Variants in TOX2 observed in about 807,000 individuals in gnomAD.
The protein encoded by TOX2 is granulosa cell HMG box 1.
Under a neutral mutation model 47.4 loss-of-function variants are expected in TOX2, and 15 were observed. The observed-to-expected ratio is 0.32, with a 90% CI of 0.21 to 0.49. TOX2 has a LOEUF of 0.49. Ranked by LOEUF, TOX2 falls within the 20% of genes least tolerant of loss-of-function variation. The probability of loss-of-function intolerance (pLI) is 0.99; values close to 1 mark genes in which losing one functional copy is unlikely to be tolerated. For synonymous variants in TOX2, 290 were observed against 296.6 expected (o/e 0.98, Z 0.23); for missense variants, 622 against 673.1 (o/e 0.92, Z 0.84).
Position 44,064,944 on chromosome 20 carries a change from C to T in TOX2, c.960+87C>T, listed in dbSNP as rs902299782. ...AAGAACTGGGGCCCGTGGGAAGGGC[C>T]GGCACCCCAGGTCTTAGAAAGAATG... On this transcript the variant is annotated intron_variant, in intron 6 of 8. Coordinates refer to ENST00000341197, the MANE Select transcript of TOX2 (RefSeq NM_001098797.2). 91 of 1,271,610 alleles carry T rather than the reference C, an allele frequency of 7.2e-5. No individual in the cohort carries two copies. In the Admixed American group the frequency reaches 9.9e-4, roughly 14 times the overall value. The allele number at this position is 1,271,610 out of a possible 1,614,324, so 78.8% of individuals were successfully genotyped here.
chr20:44,040,217 A>G (rs1448934318), intron 3 of TOX2, among the ~76,000 whole-genome samples: 3 of 152,238 alleles, frequency 2.0e-5, no homozygotes, highest in African/African-American at 7.2e-5. Context: ...GAATTTTAGA[A>G]TCATCACGGG....
At chr20:43,994,459 C>CAAAAAAAA (rs1555837275) in intron 2 of TOX2, among the ~76,000 whole-genome samples, 2 of 127,988 alleles carry the variant, frequency 1.6e-5, no homozygotes, top group African/African-American at 2.9e-5. Context: ...ACCCTGTCTC[C>CAAAAAAAA]AAAAAAAAAA....
chr20:43,986,262 T>TGTATGTAG (rs1159363047), intron 2 of TOX2, among the ~76,000 whole-genome samples: 1 of 150,880 alleles, frequency 6.6e-6, no homozygotes, highest in Non-Finnish European at 1.5e-5. Context: ...TTAAAATGTA[T>TGTATGTAG]GTATGTATGT....
At chr20:43,929,006 C>CA (rs1380224856) in intron 1 of TOX2, among the ~76,000 whole-genome samples, 1 of 124,556 alleles carries the variant, frequency 8.0e-6, no homozygotes, top group African/African-American at 3.8e-5. Context: ...AAAACAACAA[C>CA]AAAAAAACTG....
chr20:44,049,687 C>G (rs1335571040), intron 3 of TOX2, among the ~76,000 whole-genome samples: 1 of 152,158 alleles, frequency 6.6e-6, no homozygotes, highest in Non-Finnish European at 1.5e-5. Context: ...GTTCCCCTCC[C>G]TGTGTCTAAG....
At chr20:44,059,134 G>A (rs556161131) in intron 5 of TOX2, among the ~76,000 whole-genome samples, 1 of 152,212 alleles carries the variant, frequency 6.6e-6, no homozygotes, top group Admixed American at 6.5e-5. Flanking sequence ...GAATTATACA[G>A]CATATGAATG....
At chr20:44,024,973 A>G (rs2071037524) in intron 3 of TOX2, among the ~76,000 whole-genome samples, 6 of 152,124 alleles carry the variant, frequency 3.9e-5, no homozygotes. Context: ...TCATGTGTAT[A>G]CTTCCACGTG....
At chr20:44,008,967 G>C (rs1179094370) in intron 3 of TOX2, among the ~76,000 whole-genome samples, 1 of 152,238 alleles carries the variant, frequency 6.6e-6, no homozygotes, top group East Asian at 1.9e-4. Flanking sequence ...AGCATCGCTG[G>C]ACAGACCACT....
At chr20:44,028,487 G>T (rs551644497) in intron 3 of TOX2, among the ~76,000 whole-genome samples, 59 of 152,356 alleles carry the variant, frequency 3.9e-4, no homozygotes, top group African/African-American at 1.4e-3. Context: ...GAGTTTCTCT[G>T]CTTCATTCCA....
At chr20:43,952,963 C>A (rs1447694248) in intron 1 of TOX2, among the ~76,000 whole-genome samples, 1 of 151,738 alleles carries the variant, frequency 6.6e-6, no homozygotes, top group Non-Finnish European at 1.5e-5. Context: ...TCTGGGTGGG[C>A]CCTATAGGAT....
intron 1 of TOX2, chr20:43,945,644 C>T: frequency 5.0e-6 from 2 of 397,814 alleles, no homozygotes; most frequent in Non-Finnish European, 9.5e-6. Context: ...TGACGTGGAG[C>T]CGCGCTGTAC....
chr20:44,026,254 C>T (rs5012952), intron 3 of TOX2, among the ~76,000 whole-genome samples: 42,763 of 73,768 alleles, frequency 0.58, 13,645 homozygotes, highest in Middle Eastern at 0.64. Context: ...TATATAGACA[C>T]ACACACACAC....
chr20:44,063,828 C>T (rs914535823), intron 5 of TOX2, among the ~76,000 whole-genome samples: 1 of 151,954 alleles, frequency 6.6e-6, no homozygotes, highest in Non-Finnish European at 1.5e-5. Context: ...ACTACTCAGC[C>T]ATAAAAAGGA....
At chr20:43,987,972 T>G (rs1383747230) in intron 2 of TOX2, among the ~76,000 whole-genome samples, 1 of 137,988 alleles carries the variant, frequency 7.2e-6, no homozygotes, top group East Asian at 2.1e-4. Flanking sequence ...CAGGCTGGAG[T>G]GCAGTATCAC....
intron 2 of TOX2, among the ~76,000 whole-genome samples, chr20:43,979,051 A>T (rs1263738491): frequency 6.6e-6 from 1 of 152,168 alleles, no homozygotes. Flanking sequence ...GGCTTCTACC[A>T]TGAGCCCATT....
chr20:43,985,053 G>A (rs547400369), intron 2 of TOX2, among the ~76,000 whole-genome samples: 3 of 152,280 alleles, frequency 2.0e-5, no homozygotes, highest in South Asian at 2.1e-4. Context: ...GAAGCCAGAC[G>A]TGGGGACTTT....
chr20:43,955,511 AT>A (rs1046283871), intron 1 of TOX2, among the ~76,000 whole-genome samples: 9 of 151,800 alleles, frequency 5.9e-5, no homozygotes, highest in African/African-American at 1.9e-4. Flanking sequence ...TAAAAGGAGA[AT>A]TTTTTTTTAA....
intron 1 of TOX2, among the ~76,000 whole-genome samples, chr20:43,950,461 A>G (rs1048198181): frequency 6.6e-6 from 1 of 151,994 alleles, no homozygotes; most frequent in Non-Finnish European, 1.5e-5. Flanking sequence ...CTCCATCCCC[A>G]GTTGCCTCTC....
chr20:44,048,432 G>T, intron 3 of TOX2, among the ~76,000 whole-genome samples: 1 of 91,074 alleles, frequency 1.1e-5, no homozygotes, highest in Admixed American at 1.1e-4. Flanking sequence ...TACCAAAACT[G>T]ACTCGAGAGA....
Sources: allele counts gnomAD v4.1 joint callset (sites outside exome capture counted in the v4.1 genomes callset), GRCh38; gene constraint gnomAD v4.1.1; transcripts MANE v1.5; gene names NCBI Gene and HGNC (gene_info 2026-07-23, HGNC 2026-07-21).